Variants in GBF1 observed in about 807,000 individuals in gnomAD.
GBF1 encodes Golgi-specific brefeldin A-resistance guanine nucleotide exchange factor 1.
A neutral mutation model predicts 210.5 loss-of-function variants in GBF1; 114 were observed. The ratio of observed to expected loss-of-function variants is 0.54; its 90% CI spans 0.47 to 0.63. The LOEUF is 0.63. GBF1 is among the 30% of genes least tolerant of loss of function. The probability of loss-of-function intolerance (pLI) is 0.00; values close to 1 mark genes in which losing one functional copy is unlikely to be tolerated. For missense variants in GBF1, 1,851 were observed against 2,357.7 expected, an observed-to-expected ratio of 0.79 and a Z score of 4.45; for synonymous variants, 850 against 889.2, an observed-to-expected ratio of 0.96 and a Z score of 0.78.
chr10:102,369,131 C>G, intron 23 of GBF1, 80 bp from the exon 24 acceptor site: 2 of 1,034,416 alleles, frequency 1.9e-6, no homozygotes, highest in Non-Finnish European at 2.9e-6. Context: ...CCTGAGGGAA[C>G]CATCATAGGC....
At chr10:102,358,760 A>G in intron 10 of GBF1, 31 bp downstream of exon 10, 1 of 1,375,404 alleles carries the variant, frequency 7.3e-7, no homozygotes. Context: ...GTCCCTCTTC[A>G]GTATTCCACT....
Position 102,376,416 on chromosome 10 carries a change from ACAG to A in GBF1, c.4032_4034del (p.Ser1345del). The A allele has an allele frequency of 1.2e-6, 2 of 1,614,204 alleles. No homozygotes were observed. The highest frequency in any genetic ancestry group is 1.7e-6 in the Non-Finnish European group (2 of 1,180,028). On this transcript the variant is annotated inframe_deletion, in exon 31 of 40. Transcript: ENST00000369983. The stretch of plus-strand genomic sequence containing the variant: ...TCAGCCACAGATGCCGATGTGGTCA[ACAG>A]TGGTTGGTTAGTGGTGAGTGACAAT...
the GBF1 span, among the ~76,000 whole-genome samples, chr10:102,233,236 G>A: frequency 3.6e-4 from 55 of 151,782 alleles, 1 homozygote; most frequent in East Asian, 2.9e-3. Flanking sequence ...TGCTTGGGTC[G>A]GCTTCAGCTA....
chr10:102,318,001 C>T (rs1455465089), intron 3 of GBF1, among the ~76,000 whole-genome samples: 1 of 152,060 alleles, frequency 6.6e-6, no homozygotes, highest in African/African-American at 2.4e-5. Context: ...CTCTGCCTCC[C>T]GGGTTCACGC....
chr10:102,376,814 TGAGGGGGCAGCTGGG>T lies in GBF1; in HGVS notation c.4288+18_4288+32del, dbSNP rs1476339361. The T allele has an allele frequency of 3.1e-6, 5 of 1,608,662 alleles. No individual in the cohort carries two copies. The African/African-American group carries it at 6.7e-5, about 22-fold the overall frequency. On this transcript the variant is annotated intron_variant, in intron 32 of 39. Coordinates refer to ENST00000369983, the MANE Select transcript of GBF1 (RefSeq NM_001377137.1). The stretch of plus-strand genomic sequence containing the variant: ...GTCTGAATGGCGGTGGGTCAGCTGA[TGAGGGGGCAGCTGGG>T]GAGTAGCCATGCAATTATGCAGGGG...
At chr10:102,292,285 C>G (rs895234362) in intron 3 of GBF1, among the ~76,000 whole-genome samples, 1 of 151,654 alleles carries the variant, frequency 6.6e-6, no homozygotes, top group African/African-American at 2.4e-5. Flanking sequence ...CTGGGACAAA[C>G]AAACAGAAAA....
chr10:102,253,646 T>C (rs1308090434), intron 1 of GBF1, among the ~76,000 whole-genome samples: 1 of 152,138 alleles, frequency 6.6e-6, no homozygotes, highest in Non-Finnish European at 1.5e-5. Context: ...CTCAAGTAGC[T>C]GGGACTACAG....
rs1224881800 is a variant in GBF1, at chr10:102,375,498, T to A, written c.3800T>A (p.Leu1267His). The change falls in exon 30 of 40, where the codon CTC (leucine) becomes CAC (histidine). Residue 1267 changes from leucine (L) to histidine (H), a missense_variant. Physicochemically the swap from Leu to His is moderately conservative, Grantham distance 99. Transcript: ENST00000369983. ...NIHSGDDWATLFTLLECIGSG... is the reference protein window; with the variant it reads ...NIHSGDDWATHFTLLECIGSG... ...CACTCAGGTGATGACTGGGCCACAC[T>A]CTTCACACTGCTGGAGTGCATCGGC... The A allele has an allele frequency of 6.2e-7, 1 of 1,614,042 alleles. No individual in the cohort carries two copies.
chr10:102,308,937 T>A (rs1156495037), intron 3 of GBF1, among the ~76,000 whole-genome samples: 2 of 151,962 alleles, frequency 1.3e-5, no homozygotes, highest in Admixed American at 6.6e-5. Context: ...ATGATGCCAT[T>A]TATGTAAAGT....
chr10:102,342,379 T>TCA (rs1256731151), intron 3 of GBF1, among the ~76,000 whole-genome samples: 2 of 149,720 alleles, frequency 1.3e-5, no homozygotes, highest in Admixed American at 6.6e-5. Context: ...TTTCAGTTTT[T>TCA]CACACACACG....
intron 3 of GBF1, among the ~76,000 whole-genome samples, chr10:102,265,191 C>G (rs1007229832): frequency 6.6e-6 from 1 of 152,178 alleles, no homozygotes; most frequent in African/African-American, 2.4e-5. Flanking sequence ...TAAATTCTTG[C>G]AAGCCTTAGT....
intron 3 of GBF1, among the ~76,000 whole-genome samples, chr10:102,317,069 C>T (rs981711269): frequency 1.3e-5 from 2 of 152,134 alleles, no homozygotes; most frequent in Non-Finnish European, 2.9e-5. Flanking sequence ...TAATAGTCTT[C>T]AGACTCTGTG....
rs765350960 is a variant in GBF1, at chr10:102,367,101, C to T, written c.2450C>T (p.Pro817Leu). ...CTTTTTCAGAATTGTAATGGCTCCCCATTTGCCAATAGCGATGCCTGCTTT... is the reference window on the plus strand; with the variant it reads ...CTTTTTCAGAATTGTAATGGCTCCCTATTTGCCAATAGCGATGCCTGCTTT... ...TERWMNCNGSPFANSDACFSL... is the reference protein window; with the variant it reads ...TERWMNCNGSLFANSDACFSL... Residue 817 changes from proline to leucine, a missense_variant, in exon 20 of 40, where the codon CCA becomes CTA. Around this residue, in one of 3 missense-constraint regions of GBF1, gnomAD observed 80 missense variants for 151.4 expected, o/e 0.53. Coordinates refer to ENST00000369983, the MANE Select transcript of GBF1 (RefSeq NM_001377137.1). 7 of 1,614,144 alleles carry T rather than the reference C, an allele frequency of 4.3e-6. No individual in the cohort carries two copies. In the South Asian group the frequency reaches 5.5e-5, roughly 13 times the overall value.
At chr10:102,367,393 G>A in intron 20 of GBF1, 85 bp from the exon 21 acceptor site, 3 of 1,158,762 alleles carry the variant, frequency 2.6e-6, no homozygotes, top group Non-Finnish European at 3.9e-6. Context: ...CTTTTCCTAA[G>A]TCCTATTTAC....
chr10:102,294,379 TC>T (rs2076735672), intron 3 of GBF1, among the ~76,000 whole-genome samples: 1 of 134,178 alleles, frequency 7.5e-6, no homozygotes, highest in South Asian at 2.8e-4. Context: ...TTCTTTTTTT[TC>T]TTTTTCTTTT....
Position 102,365,220 on chromosome 10 carries a change from A to G in GBF1, c.2107-177A>G, listed in dbSNP as rs1589792399. ...AGCTCGTAAGCCAATTCAATTAGAC[A>G]TGAAGATGGGGGAAGCTAAGGCCAT... On this transcript the variant is annotated intron_variant, in intron 17 of 39. Coordinates refer to ENST00000369983, the MANE Select transcript of GBF1 (RefSeq NM_001377137.1). Among the ~76,000 whole-genome samples the G allele has an allele frequency of 2.0e-5, 3 of 152,340 alleles. 1 individual carries two copies. The highest frequency in any genetic ancestry group is 6.8e-3 in the Middle Eastern group (2 of 294).
intron 13 of GBF1, chr10:102,361,323 C>G: frequency 1.7e-6 from 1 of 571,566 alleles, no homozygotes; most frequent in Non-Finnish European, 3.1e-6. Flanking sequence ...ACTGGCTGAC[C>G]CCAAATATGA....
intron 17 of GBF1, among the ~76,000 whole-genome samples, chr10:102,364,226 T>TC (rs1281775965): frequency 7.2e-6 from 1 of 138,710 alleles, no homozygotes; most frequent in Non-Finnish European, 1.6e-5. Context: ...TCTTTTTTTT[T>TC]TTTTTTTTTT....
chr10:102,356,123 A>G (rs1432852811), intron 8 of GBF1, among the ~76,000 whole-genome samples: 12 of 152,130 alleles, frequency 7.9e-5, no homozygotes, highest in Non-Finnish European at 1.6e-4. Context: ...TCTTTATTGG[A>G]AGGAGCTATG....
Sources: allele counts gnomAD v4.1 joint callset (sites outside exome capture counted in the v4.1 genomes callset), GRCh38; gene constraint gnomAD v4.1.1; regional missense constraint gnomAD v4.1.1; transcripts MANE v1.5; gene names NCBI Gene and HGNC (gene_info 2026-07-23, HGNC 2026-07-21).